The following BCO1 variants were observed in gnomAD, a reference collection of about 807,000 sequenced individuals.
BCO1 encodes beta,beta-carotene 15,15'-dioxygenase.
BCO1 carries 54 observed loss-of-function variants against 56.3 expected under a neutral mutation model. That is an observed-to-expected ratio of 0.96 (90% CI 0.77 to 1.20). BCO1 has a LOEUF of 1.20. Among genes scored for constraint, BCO1 ranks in the 50% most tolerant of loss-of-function variants. BCO1 has a pLI of 0.00. For synonymous variants in BCO1, 318 were observed against 266.1 expected (o/e 1.20, Z -1.90); for missense variants, 801 against 690.9 (o/e 1.16, Z -1.79).
intron 7 of BCO1, among the ~76,000 whole-genome samples, chr16:81,280,140 G>T (rs1907781335): frequency 6.6e-6 from 1 of 151,692 alleles, no homozygotes; most frequent in African/African-American, 2.4e-5. Flanking sequence ...GAATGAACCT[G>T]TAATCCCAGC....
intron 9 of BCO1, among the ~76,000 whole-genome samples, chr16:81,286,862 A>G (rs935791787): frequency 6.6e-6 from 1 of 151,912 alleles, no homozygotes; most frequent in African/African-American, 2.4e-5. Flanking sequence ...GGATCACCTG[A>G]GGTCAGGAGT....
chr16:81,270,060 C>T, intron 6 of BCO1, 99 bp from the exon 7 acceptor site: 2 of 1,482,282 alleles, frequency 1.3e-6, no homozygotes, highest in Non-Finnish European at 1.9e-6. Context: ...TAGTCCTGAG[C>T]CTAGCTCCTG....
chr16:81,284,839 CT>C (rs763583150), intron 8 of BCO1, among the ~76,000 whole-genome samples: 250 of 136,322 alleles, frequency 1.8e-3, no homozygotes, highest in Admixed American at 3.9e-3. Context: ...CTTTTCTTTT[CT>C]TTTTTTTTTT....
In BCO1 at chr16:81,238,917, A is replaced by G; in HGVS notation, c.9A>G (p.Ile3Met). The G allele has an allele frequency of 6.2e-7, 1 of 1,614,098 alleles. No homozygotes were observed. Among genetic ancestry groups the G allele is most frequent in the Non-Finnish European group, 8.5e-7 (1 of 1,180,000 alleles). The stretch of plus-strand genomic sequence containing the variant: ...CCTCGGCACCCTGAGCAATGGATAT[A>G]ATATTTGGCAGGAATAGGAAAGAAC... MD[I>M]IFGRNRKEQL... Residue 3 changes from isoleucine (I) to methionine (M), a missense_variant, in exon 1 of 11, where the codon ATA becomes ATG. By Grantham distance (10) the Ile-to-Met change is conservative. Transcript: ENST00000258168.
chr16:81,278,772 A>G (rs994846894), intron 7 of BCO1, among the ~76,000 whole-genome samples: 3 of 152,154 alleles, frequency 2.0e-5, no homozygotes, highest in Non-Finnish European at 4.4e-5. Context: ...CAAAGAATCA[A>G]TGCAAAGGCC....
At position 81,245,583 on chromosome 16, in the gene BCO1, A is replaced by G; in HGVS notation, c.173A>G (p.His58Arg). The G allele has an allele frequency of 1.9e-6, 3 of 1,614,202 alleles. No homozygotes were observed. Among genetic ancestry groups the G allele is most frequent in the Non-Finnish European group, 2.5e-6 (3 of 1,180,024 alleles). Residue 58 changes from histidine to arginine, a missense_variant, in exon 2 of 11, where the codon CAC (histidine) becomes CGC (arginine). His to Arg is a conservative substitution (Grantham distance 29). Coordinates refer to ENST00000258168, the MANE Select transcript of BCO1 (RefSeq NM_017429.3). ...TGGTTCGACGGCCTTGCCCTGCTCCACAGCTTCACCATCAGAGACGGTGAG... is the reference window on the plus strand; with the variant it reads ...TGGTTCGACGGCCTTGCCCTGCTCCGCAGCTTCACCATCAGAGACGGTGAG... ...NHWFDGLALLHSFTIRDGEVY... is the reference protein window; with the variant it reads ...NHWFDGLALLRSFTIRDGEVY...
At chr16:81,248,630 T>C (rs1412476094) in intron 2 of BCO1, among the ~76,000 whole-genome samples, 1 of 152,106 alleles carries the variant, frequency 6.6e-6, no homozygotes, top group African/African-American at 2.4e-5. Flanking sequence ...CAGCACTAAA[T>C]CTTAATGATT....
intron 2 of BCO1, among the ~76,000 whole-genome samples, chr16:81,256,636 C>G (rs752916127): frequency 6.6e-6 from 1 of 152,100 alleles, no homozygotes; most frequent in South Asian, 2.1e-4. Flanking sequence ...GCCTGTAATC[C>G]CAGCACTTTG....
intron 8 of BCO1, among the ~76,000 whole-genome samples, chr16:81,284,224 A>ATT (rs1908037917): frequency 7.5e-6 from 1 of 133,972 alleles, no homozygotes; most frequent in African/African-American, 2.8e-5. Context: ...CTATATATAT[A>ATT]TATATTTTTA....
At chr16:81,264,047 C>T (rs1414836347) in intron 4 of BCO1, 2 of 161,220 alleles carry the variant, frequency 1.2e-5, no homozygotes, top group Admixed American at 1.2e-4. Flanking sequence ...CTCCATCATT[C>T]TGCAGCTGTG....
chr16:81,259,818 T>A lies in BCO1; in HGVS notation c.323+13T>A. 2 of 1,614,170 alleles carry A rather than the reference T, an allele frequency of 1.2e-6. No individual in the cohort carries two copies. The highest frequency in any genetic ancestry group is 1.7e-6 in the Non-Finnish European group (2 of 1,179,986). On this transcript the variant is annotated intron_variant, in intron 3 of 10. Transcript: ENST00000258168. ...ACATATTTTCCAAGTAACTGCCTAT[T>A]TTAAATCTGAGCAAATTTCATGCTT...
chr16:81,254,589 A>G (rs1288376303), intron 2 of BCO1, among the ~76,000 whole-genome samples: 3 of 151,826 alleles, frequency 2.0e-5, no homozygotes, highest in Non-Finnish European at 4.4e-5. Context: ...TAGTGTTACT[A>G]TTATTGTCAT....
At chr16:81,272,398 G>A (rs1426712727) in intron 7 of BCO1, among the ~76,000 whole-genome samples, 4 of 152,102 alleles carry the variant, frequency 2.6e-5, no homozygotes, top group African/African-American at 4.8e-5. Flanking sequence ...GATTACAGGC[G>A]TGAGCCACCG....
intron 4 of BCO1, among the ~76,000 whole-genome samples, 178 bp from the exon 5 acceptor site, chr16:81,264,462 A>G (rs1018239044): frequency 1.3e-5 from 2 of 152,154 alleles, no homozygotes; most frequent in Non-Finnish European, 2.9e-5. Context: ...TTAAAAGCAA[A>G]TTCTGTATCG....
At chr16:81,272,425 C>T (rs1907292265) in intron 7 of BCO1, among the ~76,000 whole-genome samples, 1 of 152,314 alleles carries the variant, frequency 6.6e-6, no homozygotes, top group Middle Eastern at 3.4e-3. Flanking sequence ...GCCCAGACTG[C>T]TTTTCTACCT....
intron 7 of BCO1, among the ~76,000 whole-genome samples, chr16:81,275,706 G>A (rs1907513462): frequency 6.6e-6 from 1 of 152,234 alleles, no homozygotes; most frequent in South Asian, 2.1e-4. Context: ...TTCAGCCTTT[G>A]GAACCCGTCC....
At position 81,245,462 on chromosome 16, in the gene BCO1, T is replaced by A; in HGVS notation, c.65-13T>A. ...GGTGGAAACGGGAAACTAAACATTC[T>A]CTCTTTTCTCAGGCAAGATTCCAGC... is the stretch of plus-strand genomic sequence containing the variant. On this transcript the variant is annotated splice_polypyrimidine_tract_variant and intron_variant, in intron 1 of 10. Transcript: ENST00000258168. 1.2e-6 allele frequency: 2 copies of A among 1,614,154 alleles called. No individual in the cohort carries two copies. Among genetic ancestry groups the A allele is most frequent in the Non-Finnish European group, 1.7e-6 (2 of 1,180,038 alleles).
chr16:81,251,919 C>T (rs760999628), intron 2 of BCO1, among the ~76,000 whole-genome samples: 13 of 149,924 alleles, frequency 8.7e-5, no homozygotes, highest in Middle Eastern at 3.5e-3. Flanking sequence ...CCCTTCTTCC[C>T]CAAAATATCA....
intron 2 of BCO1, among the ~76,000 whole-genome samples, chr16:81,253,319 T>A (rs1597350970): frequency 1.3e-5 from 2 of 152,264 alleles, no homozygotes; most frequent in South Asian, 4.2e-4. Flanking sequence ...GAGCACCTAC[T>A]ATGTGCACAG....
Sources: allele counts gnomAD v4.1 joint callset (sites outside exome capture counted in the v4.1 genomes callset), GRCh38; gene constraint gnomAD v4.1.1; transcripts MANE v1.5; gene names NCBI Gene and HGNC (gene_info 2026-07-23, HGNC 2026-07-21).